The following BCAS3 variants were observed in gnomAD, a reference collection of about 807,000 sequenced individuals.
BCAS3 encodes BCAS4/BCAS3 fusion.
A neutral mutation model predicts 116.1 loss-of-function variants in BCAS3; 53 were observed. The observed-to-expected ratio is 0.46, with a 90% confidence interval of 0.37 to 0.57. The LOEUF (loss-of-function observed/expected upper bound fraction) is 0.57. Ranked by LOEUF, BCAS3 falls within the 20% of genes least tolerant of loss-of-function variation. The probability of loss-of-function intolerance (pLI) is 0.00; values close to 1 mark genes in which losing one functional copy is unlikely to be tolerated. For missense variants in BCAS3, 917 were observed against 1,165.4 expected (o/e 0.79, Z 3.10); for synonymous variants, 391 against 408.2 (o/e 0.96, Z 0.51).
chr17:61,027,145 A>AT (rs941429229), intron 16 of BCAS3, among the ~76,000 whole-genome samples: 6 of 151,550 alleles, frequency 4.0e-5, no homozygotes, highest in Non-Finnish European at 7.4e-5. Context: ...CCACAGATGA[A>AT]TTTTTTTTAA....
intron 7 of BCAS3, among the ~76,000 whole-genome samples, chr17:60,845,744 A>G (rs1035076791): frequency 6.6e-6 from 1 of 151,654 alleles, no homozygotes; most frequent in Admixed American, 6.6e-5. Context: ...TCTCTTGGTT[A>G]CATACTCCCT....
intron 5 of BCAS3, among the ~76,000 whole-genome samples, chr17:60,731,142 A>G (rs2040414968): frequency 6.6e-6 from 1 of 152,210 alleles, no homozygotes; most frequent in Non-Finnish European, 1.5e-5. Flanking sequence ...CATTCCTTCC[A>G]GTTGTATCTG....
In BCAS3 at chr17:61,220,874, G is replaced by T. The variant is rs558586690; in HGVS notation, c.2425+136310G>T. Among the ~76,000 whole-genome samples the T allele has an allele frequency of 6.6e-6, 1 of 152,298 alleles. No homozygotes were observed. Among genetic ancestry groups the T allele is most frequent in the South Asian group, 2.1e-4 (1 of 4,816 alleles). ...CCAGCACTTTGGGAGGCCGAGGTGG[G>T]TGGATCACGAGGTCAGGAGATCGAG... On this transcript the variant is annotated intron_variant, in intron 22 of 23. Coordinates refer to ENST00000407086, the MANE Select transcript of BCAS3 (RefSeq NM_017679.5). This position sits in a 1 kb window ranked among gnomAD's most constrained non-coding sequence, Gnocchi z 4.5.
In BCAS3 at chr17:61,378,827, C is replaced by T. The variant is rs893699573; in HGVS notation, c.2593+10333C>T. 1.3e-5 allele frequency: 2 copies of T among 152,328 alleles called. No individual in the cohort carries two copies. The highest frequency in any genetic ancestry group is 2.9e-5 in the Non-Finnish European group (2 of 68,120). 9.4% of individuals were successfully genotyped at this position (152,328 alleles called of 1,614,324 possible). On this transcript the variant is annotated intron_variant, in intron 23 of 23. Coordinates refer to ENST00000407086, the MANE Select transcript of BCAS3 (RefSeq NM_017679.5). This position sits in a 1 kb window ranked among gnomAD's most constrained non-coding sequence, Gnocchi z 5.8. ...TCTGGGTAGATCATTTCCCCCACCC[C>T]ACCTTCGTCACTAAGGCTACTGGAA...
At chr17:60,694,512 T>C (rs967189321) in intron 4 of BCAS3, among the ~76,000 whole-genome samples, 24 of 151,550 alleles carry the variant, frequency 1.6e-4, no homozygotes, top group African/African-American at 5.8e-4. Context: ...AAAAAAAAAA[T>C]TTATTGATCA....
chr17:61,042,658 C>T (rs1250958016), intron 19 of BCAS3, among the ~76,000 whole-genome samples: 3 of 150,950 alleles, frequency 2.0e-5, no homozygotes, highest in East Asian at 2.0e-4. Flanking sequence ...GAGGCTGAAG[C>T]GGGAGGATCA....
rs547170938 is a variant in BCAS3, at chr17:61,039,135, A to G, written c.1928+1081A>G. Reference sequence around the variant, plus strand: ...AACCCTTCAGACCTAGGCAGCAGCCAGTTTACTTTCTTTCTCTATGGATTT... The same window carrying G: ...AACCCTTCAGACCTAGGCAGCAGCCGGTTTACTTTCTTTCTCTATGGATTT... On this transcript the variant is annotated intron_variant, in intron 18 of 23. Coordinates refer to ENST00000407086, the MANE Select transcript of BCAS3 (RefSeq NM_017679.5). Among the ~76,000 whole-genome samples the G allele has an allele frequency of 4.6e-5, 7 of 152,280 alleles. No individual in the cohort carries two copies. In the East Asian group the frequency reaches 1.3e-3, roughly 29 times the overall value.
rs1228617434 is a variant in BCAS3 at position 61,217,146 on chromosome 17, G to C, written c.2425+132582G>C. 6.6e-6 allele frequency among the ~76,000 whole-genome samples: 1 copy of C among 151,944 alleles called. No homozygotes were observed. The highest frequency in any genetic ancestry group is 2.1e-4 in the South Asian group (1 of 4,810). On this transcript the variant is annotated intron_variant, in intron 22 of 23. Coordinates refer to ENST00000407086, the MANE Select transcript of BCAS3 (RefSeq NM_017679.5). This position sits in a 1 kb window ranked among gnomAD's most constrained non-coding sequence, Gnocchi z 5.2. ...AAAATACAAAAAATTAGCTGGGTGTGGTGGCACACTCCTGCAGTCCCAGCT... is the reference window on the plus strand; with the variant it reads ...AAAATACAAAAAATTAGCTGGGTGTCGTGGCACACTCCTGCAGTCCCAGCT...
intron 14 of BCAS3, chr17:60,987,164 TTC>T (rs2063191976): frequency 1.3e-5 from 2 of 152,122 alleles, no homozygotes; most frequent in African/African-American, 2.4e-5. Context: ...TGTTTCTTGG[TTC>T]TCTGTTCTGT....
chr17:61,117,037 A>G (rs1213267662), intron 22 of BCAS3, among the ~76,000 whole-genome samples: 1 of 152,126 alleles, frequency 6.6e-6, no homozygotes, highest in Non-Finnish European at 1.5e-5. Context: ...TATGTCTCTT[A>G]AAAGTGTGGA....
chr17:61,283,078 T>C (rs1275722790), intron 22 of BCAS3, among the ~76,000 whole-genome samples: 4 of 152,126 alleles, frequency 2.6e-5, no homozygotes, highest in African/African-American at 9.7e-5. Flanking sequence ...AAAAGTTGTG[T>C]TGTTTTTTTT....
At chr17:60,916,906 T>C (rs2058808133) in intron 12 of BCAS3, among the ~76,000 whole-genome samples, 1 of 152,204 alleles carries the variant, frequency 6.6e-6, no homozygotes, top group Admixed American at 6.5e-5. Context: ...AAACATTTCT[T>C]TGAAAAAGAT....
chr17:60,972,685 C>T (rs1287735257), intron 14 of BCAS3, among the ~76,000 whole-genome samples: 1 of 152,056 alleles, frequency 6.6e-6, no homozygotes, highest in Non-Finnish European at 1.5e-5. Flanking sequence ...TCCATGGCCT[C>T]AAGAGATCCT....
chr17:61,270,242 C>T (rs1352613750), intron 22 of BCAS3, among the ~76,000 whole-genome samples: 2 of 151,362 alleles, frequency 1.3e-5, no homozygotes, highest in African/African-American at 2.4e-5. Flanking sequence ...GCCTCAGCCT[C>T]CTGAGTAGCT....
At chr17:61,042,891 C>CAA (rs35629825) in intron 19 of BCAS3, among the ~76,000 whole-genome samples, 780 of 55,650 alleles carry the variant, frequency 0.014, 1 homozygote, top group East Asian at 0.036. Context: ...CTCCATCTCA[C>CAA]AAAAAAAAAA....
At chr17:60,760,340 A>G (rs7503383) in intron 6 of BCAS3, among the ~76,000 whole-genome samples, 125,322 of 152,046 alleles carry the variant, frequency 0.82, 53,248 homozygotes, top group South Asian at 0.99. Flanking sequence ...TTATTCTTTT[A>G]CTTTCATGTT....
intron 6 of BCAS3, among the ~76,000 whole-genome samples, chr17:60,765,262 G>A (rs749223246): frequency 6.6e-6 from 1 of 152,158 alleles, no homozygotes; most frequent in African/African-American, 2.4e-5. Context: ...TTGCCCATTA[G>A]TTGATGCCAT....
chr17:61,339,709 T>C lies in BCAS3; in HGVS notation c.2426-28618T>C, dbSNP rs1395507301. 6.8e-6 allele frequency among the ~76,000 whole-genome samples: 1 copy of C among 147,750 alleles called. No individual in the cohort carries two copies. Among genetic ancestry groups the C allele is most frequent in the African/African-American group, 2.5e-5 (1 of 39,708 alleles). ...CGAACCTAGGAGGTGGCGGTTACAG[T>C]GAGCTGAGATCGCGCCACTGTACTC... On this transcript the variant is annotated intron_variant, in intron 22 of 23. Coordinates refer to ENST00000407086, the MANE Select transcript of BCAS3 (RefSeq NM_017679.5). This position sits in a 1 kb window ranked among gnomAD's most constrained non-coding sequence, Gnocchi z 4.4.
intron 22 of BCAS3, chr17:61,086,946 C>A (rs2073141161): frequency 1.0e-6 from 1 of 985,170 alleles, no homozygotes. Flanking sequence ...TTTAATAGGA[C>A]CAACTGTTGT....
Sources: gnomAD v4.1 joint callset for allele counts (sites outside exome capture counted in the v4.1 genomes callset) on GRCh38, gnomAD v4.1.1 for gene constraint, Gnocchi (gnomAD v3.1) non-coding constraint, MANE v1.5 for transcripts, NCBI Gene and HGNC (gene_info 2026-07-23, HGNC 2026-07-21) for gene names.